The following DAPK2 variants were observed in gnomAD, a reference collection of about 807,000 sequenced individuals.
DAPK2 encodes death associated protein kinase 2.
In DAPK2, 35 loss-of-function variants were observed where a neutral mutation model predicts 44.1. That is an observed-to-expected ratio of 0.79 (90% CI 0.61 to 1.05). DAPK2 has a LOEUF of 1.05. DAPK2 is among the 50% of genes least tolerant of loss of function. The probability of loss-of-function intolerance (pLI) is 0.00; values close to 1 mark genes in which losing one functional copy is unlikely to be tolerated. For synonymous variants in DAPK2, 174 were observed against 182.6 expected (o/e 0.95, Z 0.38); for missense variants, 453 against 483.2 (o/e 0.94, Z 0.59).
chr15:63,956,525 CGTT>C (rs2077727386), intron 3 of DAPK2, among the ~76,000 whole-genome samples: 1 of 151,514 alleles, frequency 6.6e-6, no homozygotes, highest in Admixed American at 6.6e-5. Context: ...CAAAATTCCT[CGTT>C]ATTATTTTTC....
chr15:63,937,655 C>T (rs1411606892), intron 4 of DAPK2, among the ~76,000 whole-genome samples: 1 of 152,198 alleles, frequency 6.6e-6, no homozygotes, highest in East Asian at 1.9e-4. Context: ...TGACTGATCC[C>T]ATTGACTTTG....
chr15:63,958,305 C>T (rs2077785754), intron 3 of DAPK2, among the ~76,000 whole-genome samples: 1 of 151,974 alleles, frequency 6.6e-6, no homozygotes, highest in East Asian at 1.9e-4. Flanking sequence ...CTGCAAGTTG[C>T]CTGTTCACTC....
chr15:63,939,357 T>C lies in DAPK2; in HGVS notation c.458A>G (p.Glu153Gly). The C allele has an allele frequency of 6.3e-7, 1 of 1,595,124 alleles. No homozygotes were observed. Among genetic ancestry groups the C allele is most frequent in the Non-Finnish European group, 8.5e-7 (1 of 1,173,244 alleles). ...ATTCTTGTCTAACAACATAATGTTT[T>C]CTGGCTGGACAACAAAAAGTAGAAA... The change falls in exon 4 of 11, where the codon GAA (glutamate) becomes GGA (glycine). Residue 153 changes from glutamate to glycine, a missense_variant. Coordinates refer to ENST00000261891, the Ensembl canonical transcript of DAPK2. The surrounding 1 kb of genome is among the most constrained non-coding windows in gnomAD (Gnocchi z 4.3).
At chr15:63,983,744 C>T (rs1219849942) in exon 2 of DAPK2, 1 of 1,611,232 alleles carries the variant, frequency 6.2e-7, no homozygotes, top group Non-Finnish European at 8.5e-7. Context: ...TTCACGATGG[C>T]AAACTGGCCA....
chr15:63,972,818 A>T (rs928952386), intron 2 of DAPK2, among the ~76,000 whole-genome samples: 15 of 152,306 alleles, frequency 9.8e-5, no homozygotes, highest in Middle Eastern at 3.4e-3. Context: ...ATATTGGAAA[A>T]CATAAGAAAA....
chr15:64,038,517 C>T (rs986070649), intron 1 of DAPK2, among the ~76,000 whole-genome samples: 2 of 152,158 alleles, frequency 1.3e-5, no homozygotes, highest in Non-Finnish European at 2.9e-5. Flanking sequence ...TCACCAGGCC[C>T]AAGACTGGGA....
chr15:63,931,666 G>T (rs1488605089), intron 4 of DAPK2, among the ~76,000 whole-genome samples: 1 of 152,208 alleles, frequency 6.6e-6, no homozygotes, highest in Non-Finnish European at 1.5e-5. Context: ...CCAGGGGAGT[G>T]GTCCAGAGCC....
chr15:64,033,318 A>AAGGG (rs2080081268), intron 1 of DAPK2, among the ~76,000 whole-genome samples: 1 of 142,980 alleles, frequency 7.0e-6, no homozygotes, highest in African/African-American at 2.5e-5. Flanking sequence ...GGAAGGAAGG[A>AAGGG]AGGAAGGAAA....
chr15:63,971,663 G>T, intron 2 of DAPK2, 102 bp from the exon 4 acceptor site: 1 of 1,259,346 alleles, frequency 7.9e-7, no homozygotes. Context: ...ACCCCCCAGG[G>T]ACCTTGTATG....
intron 1 of DAPK2, among the ~76,000 whole-genome samples, chr15:63,999,165 A>C (rs1324913397): frequency 6.6e-6 from 1 of 152,144 alleles, no homozygotes; most frequent in Non-Finnish European, 1.5e-5. Flanking sequence ...TTCTGAGAGG[A>C]GTTTTCCCAT....
At chr15:63,909,515 T>C (rs1354133687) in intron 10 of DAPK2, 1 of 152,208 alleles carries the variant, frequency 6.6e-6, no homozygotes, top group Non-Finnish European at 1.5e-5. Flanking sequence ...ACTGACATTC[T>C]TTTTGGCTGG....
chr15:63,997,530 A>G lies in DAPK2; in HGVS notation c.93-13776T>C, dbSNP rs1239843390. Among the ~76,000 whole-genome samples, 4 of 152,222 alleles carry G rather than the reference A, an allele frequency of 2.6e-5. No homozygotes were observed. In the East Asian group the frequency reaches 7.7e-4, roughly 29 times the overall value. On this transcript the variant is annotated intron_variant, in intron 1 of 10. Transcript: ENST00000261891. Reference sequence around the variant, plus strand: ...ATTTTTAGTAGACATGCGGTTTCACAATGTTGGCCAGTCTGGTCTCGAACT... The same window carrying G: ...ATTTTTAGTAGACATGCGGTTTCACGATGTTGGCCAGTCTGGTCTCGAACT...
At chr15:64,005,664 T>C (rs1270121867) in intron 1 of DAPK2, among the ~76,000 whole-genome samples, 1 of 152,006 alleles carries the variant, frequency 6.6e-6, no homozygotes, top group Non-Finnish European at 1.5e-5. Flanking sequence ...AAAAACTGTC[T>C]TGCCCACAAA....
At chr15:63,963,423 G>T (rs1294140940) in intron 3 of DAPK2, among the ~76,000 whole-genome samples, 1 of 152,208 alleles carries the variant, frequency 6.6e-6, no homozygotes, top group Non-Finnish European at 1.5e-5. Flanking sequence ...CGCTCACGCT[G>T]GGAGCTACAG....
intron 2 of DAPK2, among the ~76,000 whole-genome samples, chr15:63,979,212 G>C (rs1427591070): frequency 6.6e-6 from 1 of 152,220 alleles, no homozygotes; most frequent in African/African-American, 2.4e-5. Flanking sequence ...TTAAGCTGCT[G>C]AGATTTTGAA....
intron 3 of DAPK2, among the ~76,000 whole-genome samples, chr15:63,942,029 C>T (rs570138580): frequency 2.8e-4 from 43 of 152,212 alleles, no homozygotes; most frequent in Middle Eastern, 3.2e-3. Flanking sequence ...AGGGCCATGG[C>T]CCAGCCCTCC....
At chr15:63,941,509 T>C (rs929681933) in intron 3 of DAPK2, among the ~76,000 whole-genome samples, 1 of 152,196 alleles carries the variant, frequency 6.6e-6, no homozygotes, top group Non-Finnish European at 1.5e-5. Context: ...GCTGAACTGA[T>C]AGTGAATCTG....
At chr15:63,997,348 G>C (rs914413173) in intron 1 of DAPK2, among the ~76,000 whole-genome samples, 1 of 152,072 alleles carries the variant, frequency 6.6e-6, no homozygotes. Context: ...TTATTTCTGA[G>C]ACAGATTCTC....
intron 1 of DAPK2, among the ~76,000 whole-genome samples, chr15:64,002,398 A>G (rs2079106518): frequency 6.6e-6 from 1 of 152,252 alleles, no homozygotes; most frequent in Admixed American, 6.5e-5. Flanking sequence ...CGTTTTGAAG[A>G]TGAACACATT....
Sources: gnomAD v4.1 joint callset for allele counts (sites outside exome capture counted in the v4.1 genomes callset) on GRCh38, gnomAD v4.1.1 for gene constraint, Gnocchi (gnomAD v3.1) non-coding constraint, MANE v1.5 for transcripts, NCBI Gene and HGNC (gene_info 2026-07-23, HGNC 2026-07-21) for gene names.